The following DBP variants were observed in gnomAD, a reference collection of about 807,000 sequenced individuals.
DBP encodes the protein D site-binding protein.
A neutral mutation model predicts 21.4 loss-of-function variants in DBP; 12 were observed. The ratio of observed to expected loss-of-function variants is 0.56; its 90% CI spans 0.36 to 0.91. The LOEUF is 0.91. Among genes scored for constraint, DBP ranks in the 40% least tolerant of loss-of-function variants. The pLI is 0.01. For synonymous variants in DBP, 213 were observed against 224.9 expected (o/e 0.95, Z 0.47); for missense variants, 423 against 473.4 (o/e 0.89, Z 0.99).
intron 2 of DBP, 63 bp downstream of exon 2, chr19:48,635,517 C>CAGCCCCGCCCCCTGAGTCCA: frequency 2.0e-6 from 3 of 1,471,506 alleles, no homozygotes; most frequent in East Asian, 6.0e-5. Flanking sequence ...CAGCGTCGCA[C>CAGCCCCGCCCCCTGAGTCCA]AGCCCCGCCC....
chr19:48,636,870 T>C lies in DBP; in HGVS notation c.125A>G (p.Lys42Arg). 2 of 1,610,390 alleles carry C rather than the reference T, an allele frequency of 1.2e-6. No individual in the cohort carries two copies. Among genetic ancestry groups the C allele is most frequent in the African/African-American group, 1.3e-5 (1 of 74,860 alleles). The change falls in exon 1 of 4, where the codon AAA (lysine) becomes AGA (arginine). Residue 42 changes from lysine (K) to arginine (R), a missense_variant. Around this residue, in one of 4 missense-constraint regions of DBP, gnomAD observed 283 missense variants for 273.7 expected, o/e 1.03. Transcript: ENST00000222122. ...TTAGAACTCACAGCTGGCCGGCTCT[T>C]TGGGCTTGCTGGTCCCCTGCAGAAG... is the stretch of plus-strand genomic sequence containing the variant. ...RSLLQGTSKP[K>R]EPASCLLKEK...
intron 2 of DBP, chr19:48,635,231 G>A (rs543624864): frequency 1.8e-6 from 2 of 1,135,064 alleles, no homozygotes; most frequent in East Asian, 9.2e-5. Context: ...CAGATTCGGG[G>A]GTCAGTCCAC....
At chr19:48,631,766 C>T (rs1237155879) in intron 3 of DBP, 2 of 152,158 alleles carry the variant, frequency 1.3e-5, no homozygotes, top group Non-Finnish European at 2.9e-5. Flanking sequence ...GAAGACTCCT[C>T]CTTAGTAACC....
Position 48,630,219 on chromosome 19 carries a change from G to T in DBP, c.*618C>A, listed in dbSNP as rs1347878703. 1.6e-6 allele frequency: 2 copies of T among 1,260,072 alleles called. No individual in the cohort carries two copies. Among genetic ancestry groups the T allele is most frequent in the African/African-American group, 3.1e-5 (2 of 64,736 alleles). The allele number at this position is 1,260,072 out of a possible 1,614,324, so 78.1% of individuals were successfully genotyped here. On this transcript the variant is annotated 3_prime_UTR_variant, in exon 4 of 4. Transcript: ENST00000222122. This position sits in a 1 kb window ranked among gnomAD's most constrained non-coding sequence, Gnocchi z 4.9. ...TCCACTCCGGTGCCTCCATTTAGCT[G>T]GCCAATCAGCCCAGGAGGGGCAGGT...
rs1342025713 is a variant in DBP, at chr19:48,635,859, G to A, written c.271C>T (p.Pro91Ser). 3 of 1,398,196 alleles carry A rather than the reference G, an allele frequency of 2.1e-6. No homozygotes were observed. The African/African-American group carries it at 4.6e-5, about 21-fold the overall frequency. The allele number at this position is 1,398,196 out of a possible 1,614,324, so 86.6% of individuals were successfully genotyped here. A position where few individuals can be genotyped will look rare whatever the true frequency, so the allele number is the denominator to read the frequency against. ...VVGGGSPRGRPGPVPAPGLLA... is the reference protein window; with the variant it reads ...VVGGGSPRGRSGPVPAPGLLA... ...AGACCCGGGGCGGGCACCGGCCCCGGGCGCCCCCGCGGGGACCCTCCGCCC... is the reference window on the plus strand; with the variant it reads ...AGACCCGGGGCGGGCACCGGCCCCGAGCGCCCCCGCGGGGACCCTCCGCCC... The change falls in exon 2 of 4, where the codon CCG becomes TCG. Residue 91 changes from proline (P) to serine (S), a missense_variant. By Grantham distance (74) the Pro-to-Ser change is moderately conservative (BLOSUM62 -1). Around this residue, in one of 4 missense-constraint regions of DBP, gnomAD observed 283 missense variants for 273.7 expected, o/e 1.03. Transcript: ENST00000222122.
intron 3 of DBP, chr19:48,632,699 C>A (rs1416861093): frequency 1.3e-5 from 2 of 152,342 alleles, no homozygotes; most frequent in African/African-American, 4.8e-5. Flanking sequence ...GCACTGGCTG[C>A]TAACAGAAGC....
At chr19:48,635,350 G>A (rs879200877) in intron 2 of DBP, 5 of 1,330,074 alleles carry the variant, frequency 3.8e-6, no homozygotes, top group Non-Finnish European at 4.8e-6. Context: ...TCATTGGGCA[G>A]GCTTCCTGGA....
Position 48,637,081 on chromosome 19 carries a change from C to A in DBP, c.-87G>T, listed in dbSNP as rs2147714135. The A allele has an allele frequency of 7.9e-7, 1 of 1,262,572 alleles. No homozygotes were observed. Among genetic ancestry groups the A allele is most frequent in the Non-Finnish European group, 1.1e-6 (1 of 950,920 alleles). The allele number at this position is 1,262,572 out of a possible 1,614,324, so 78.2% of individuals were successfully genotyped here. ...CACCAGCACACTCCAGTGGTTTGGA[C>A]GAGTGTCTGCCCAGGGGCGGGCGAG... On this transcript the variant is annotated 5_prime_UTR_variant, in exon 1 of 4. Transcript: ENST00000222122.
chr19:48,637,247 C>A lies in DBP; in HGVS notation c.-253G>T, dbSNP rs1024615976. On this transcript the variant is annotated 5_prime_UTR_variant, in exon 1 of 4. Coordinates refer to ENST00000222122, the MANE Select transcript of DBP (RefSeq NM_001352.5). ...TGGGCGAGGGGGTGTCCAGATCAAG[C>A]GGTCGGCTCTTTGCAACCGAGGGTG... 1 of 396,090 alleles carries A rather than the reference C, an allele frequency of 2.5e-6. No individual in the cohort carries two copies. The highest frequency in any genetic ancestry group is 4.5e-6 in the Non-Finnish European group (1 of 222,338). The allele number at this position is 396,090 out of a possible 1,614,324, so 24.5% of individuals were successfully genotyped here.
chr19:48,633,632 T>C lies in DBP; in HGVS notation c.574A>G (p.Ser192Gly), dbSNP rs767533521. Residue 192 changes from serine to glycine, a missense_variant, in exon 3 of 4, where the codon AGC (serine) becomes GGC (glycine). Coordinates refer to ENST00000222122, the MANE Select transcript of DBP (RefSeq NM_001352.5). Reference protein sequence around the residue: ...RAGLTSRDTPSPVDPDTVEVL... With the variant: ...RAGLTSRDTPGPVDPDTVEVL... ...TCCACGGTGTCTGGGTCCACAGGGC[T>C]GGGTGTGTCCCGAGAGGTCAGGCCT... is the stretch of plus-strand genomic sequence containing the variant. 6.2e-7 allele frequency: 1 copy of C among 1,614,122 alleles called. No homozygotes were observed. Among genetic ancestry groups the C allele is most frequent in the Non-Finnish European group, 8.5e-7 (1 of 1,180,014 alleles).
Position 48,637,169 on chromosome 19 carries a change from G to A in DBP, c.-175C>T. 2 of 565,670 alleles carry A rather than the reference G, an allele frequency of 3.5e-6. No homozygotes were observed. The highest frequency in any genetic ancestry group is 3.3e-5 in the East Asian group (1 of 29,982). The allele number at this position is 565,670 out of a possible 1,614,324, so 35.0% of individuals were successfully genotyped here. A position where few individuals can be genotyped will look rare whatever the true frequency, so the allele number is the denominator to read the frequency against. ...ATCCTAGGAGCGACGGGGATTTGAGGTCCTCGGTGCAGAAACGTGCAACTC... is the reference window on the plus strand; with the variant it reads ...ATCCTAGGAGCGACGGGGATTTGAGATCCTCGGTGCAGAAACGTGCAACTC... On this transcript the variant is annotated 5_prime_UTR_variant, in exon 1 of 4. Coordinates refer to ENST00000222122, the MANE Select transcript of DBP (RefSeq NM_001352.5).
chr19:48,630,445 A>T lies in DBP; in HGVS notation c.*392T>A. ...CCTCCATCCGACAGCCCGCGGGAGGACTCAGACTCCAGCACTTCCAGCAGC... is the reference window on the plus strand; with the variant it reads ...CCTCCATCCGACAGCCCGCGGGAGGTCTCAGACTCCAGCACTTCCAGCAGC... On this transcript the variant is annotated 3_prime_UTR_variant, in exon 4 of 4. Coordinates refer to ENST00000222122, the MANE Select transcript of DBP (RefSeq NM_001352.5). The surrounding 1 kb of genome is among the most constrained non-coding windows in gnomAD (Gnocchi z 4.9). 2 of 1,446,820 alleles carry T rather than the reference A, an allele frequency of 1.4e-6. No individual in the cohort carries two copies. Among genetic ancestry groups the T allele is most frequent in the African/African-American group, 2.9e-5 (2 of 69,650 alleles). The allele number at this position is 1,446,820 out of a possible 1,614,324, so 89.6% of individuals were successfully genotyped here. A position where few individuals can be genotyped will look rare whatever the true frequency, so the allele number is the denominator to read the frequency against.
At position 48,630,564 on chromosome 19, in the gene DBP, G is replaced by A; in HGVS notation, c.*273C>T. Reference sequence around the variant, plus strand: ...TCTTCTTCCACAACAGCTGGCTCTGGGGTTCTCAAGATTTATTCAGGATCG... The same window carrying A: ...TCTTCTTCCACAACAGCTGGCTCTGAGGTTCTCAAGATTTATTCAGGATCG... On this transcript the variant is annotated 3_prime_UTR_variant, in exon 4 of 4. Transcript: ENST00000222122. This position sits in a 1 kb window ranked among gnomAD's most constrained non-coding sequence, Gnocchi z 4.9. 6.5e-7 allele frequency: 1 copy of A among 1,535,194 alleles called. No homozygotes were observed. The highest frequency in any genetic ancestry group is 1.2e-5 in the South Asian group (1 of 83,920).
At position 48,637,102 on chromosome 19, in the gene DBP, G is replaced by A. The variant is rs2030840673; in HGVS notation, c.-108C>T. On this transcript the variant is annotated 5_prime_UTR_variant, in exon 1 of 4. Transcript: ENST00000222122. ...TGGACGAGTGTCTGCCCAGGGGCGG[G>A]CGAGTGTAGCCTGCAACCCTCCAGT... 2 of 1,079,722 alleles carry A rather than the reference G, an allele frequency of 1.9e-6. No individual in the cohort carries two copies. Among genetic ancestry groups the A allele is most frequent in the Non-Finnish European group, 1.3e-6 (1 of 787,096 alleles). 66.9% of individuals were successfully genotyped at this position (1,079,722 alleles called of 1,614,324 possible).
chr19:48,634,824 G>C, intron 2 of DBP: 2 of 985,614 alleles, frequency 2.0e-6, no homozygotes, highest in Non-Finnish European at 2.4e-6. Flanking sequence ...TGTGCCCAAA[G>C]GGAAACATCT....
chr19:48,637,174 C>T lies in DBP; in HGVS notation c.-180G>A, dbSNP rs2030843246. 5.4e-6 allele frequency: 3 copies of T among 552,212 alleles called. No individual in the cohort carries two copies. The South Asian group carries it at 7.9e-5, about 15-fold the overall frequency. The allele number at this position is 552,212 out of a possible 1,614,324, so 34.2% of individuals were successfully genotyped here. A position where few individuals can be genotyped will look rare whatever the true frequency, so the allele number is the denominator to read the frequency against. Reference sequence around the variant, plus strand: ...AGGAGCGACGGGGATTTGAGGTCCTCGGTGCAGAAACGTGCAACTCAAGAG... The same window carrying T: ...AGGAGCGACGGGGATTTGAGGTCCTTGGTGCAGAAACGTGCAACTCAAGAG... On this transcript the variant is annotated 5_prime_UTR_variant, in exon 1 of 4. Transcript: ENST00000222122.
Position 48,635,953 on chromosome 19 carries a change from A to C in DBP, c.177T>G (p.Pro59=), listed in dbSNP as rs1049761952. ...LKEKERKAAL[P]AATTPGPGLE... ...GGCCTGGCCCAGGGGTTGTGGCTGCAGGCAGGGCCGCCTTGCGCTCCTTTT... is the reference window on the plus strand; with the variant it reads ...GGCCTGGCCCAGGGGTTGTGGCTGCCGGCAGGGCCGCCTTGCGCTCCTTTT... Residue 59 remains proline (P), a synonymous_variant, in exon 2 of 4, where the codon CCT becomes CCG. Transcript: ENST00000222122. 1 of 1,525,864 alleles carries C rather than the reference A, an allele frequency of 6.6e-7. No individual in the cohort carries two copies. Among genetic ancestry groups the C allele is most frequent in the Non-Finnish European group, 8.7e-7 (1 of 1,143,754 alleles). The allele number at this position is 1,525,864 out of a possible 1,614,324, so 94.5% of individuals were successfully genotyped here.
chr19:48,636,099 G>A, intron 1 of DBP, 109 bp from the exon 2 acceptor site: 1 of 1,112,130 alleles, frequency 9.0e-7, no homozygotes, highest in Non-Finnish European at 1.2e-6. Flanking sequence ...AGAAAGAGGG[G>A]ACGGGGGGTC....
In DBP at chr19:48,630,557, G is replaced by A. The variant is rs2030526903; in HGVS notation, c.*280C>T. ...GCTGCCCTCTTCTTCCACAACAGCT[G>A]GCTCTGGGGTTCTCAAGATTTATTC... is the stretch of plus-strand genomic sequence containing the variant. On this transcript the variant is annotated 3_prime_UTR_variant, in exon 4 of 4. Transcript: ENST00000222122. The surrounding 1 kb of genome is among the most constrained non-coding windows in gnomAD (Gnocchi z 4.9). 6.5e-7 allele frequency: 1 copy of A among 1,535,152 alleles called. No individual in the cohort carries two copies. Among genetic ancestry groups the A allele is most frequent in the African/African-American group, 1.4e-5 (1 of 72,958 alleles).
Sources: gnomAD v4.1 joint callset for allele counts on GRCh38, gnomAD v4.1.1 for gene constraint, gnomAD v4.1.1 regional missense constraint, Gnocchi (gnomAD v3.1) non-coding constraint, MANE v1.5 for transcripts, NCBI Gene and HGNC (gene_info 2026-07-23, HGNC 2026-07-21) for gene names.